The following SLC35F4 variants were observed in gnomAD, a reference collection of about 807,000 sequenced individuals.
SLC35F4 encodes the protein chromosome 14 open reading frame 36.
Under a neutral mutation model 44.2 loss-of-function variants are expected in SLC35F4, and 24 were observed. The observed-to-expected ratio is 0.54, with a 90% CI of 0.39 to 0.76. SLC35F4 has a LOEUF of 0.76. Among genes scored for constraint, SLC35F4 ranks in the 30% least tolerant of loss-of-function variants. SLC35F4 has a pLI of 0.00. For missense variants in SLC35F4, 562 were observed against 586.1 expected (o/e 0.96, Z 0.42); for synonymous variants, 238 against 223.6 (o/e 1.06, Z -0.57).
At chr14:57,647,486 G>T (rs1297099423) in intron 1 of SLC35F4, among the ~76,000 whole-genome samples, 2 of 145,626 alleles carry the variant, frequency 1.4e-5, no homozygotes, top group Non-Finnish European at 3.0e-5. Context: ...TAGCCATGTG[G>T]CCATTGTCTT....
intron 1 of SLC35F4, among the ~76,000 whole-genome samples, chr14:57,861,856 A>G (rs757911453): frequency 7.9e-5 from 12 of 152,070 alleles, no homozygotes; most frequent in Non-Finnish European, 1.5e-4. Flanking sequence ...TAATGTCAGA[A>G]TGTCTCAAAA....
At chr14:57,721,128 A>G (rs2076077871) in intron 1 of SLC35F4, among the ~76,000 whole-genome samples, 1 of 151,212 alleles carries the variant, frequency 6.6e-6, no homozygotes, top group East Asian at 1.9e-4. Context: ...GGAACAGAAT[A>G]TTAAGGATGG....
intron 1 of SLC35F4, among the ~76,000 whole-genome samples, chr14:57,808,850 T>C (rs77570144): frequency 1.3e-5 from 2 of 152,276 alleles, no homozygotes; most frequent in Non-Finnish European, 2.9e-5. Context: ...TGCTGATAAG[T>C]CAGTATCAAC....
chr14:57,726,220 A>T (rs956025859), intron 1 of SLC35F4, among the ~76,000 whole-genome samples: 1 of 152,172 alleles, frequency 6.6e-6, no homozygotes, highest in Non-Finnish European at 1.5e-5. Context: ...ATTAAGGTCA[A>T]TGGGAAACTA....
At chr14:57,802,024 T>C (rs2078204909) in intron 1 of SLC35F4, among the ~76,000 whole-genome samples, 1 of 152,174 alleles carries the variant, frequency 6.6e-6, no homozygotes, top group African/African-American at 2.4e-5. Flanking sequence ...CAACAGAATA[T>C]ACATTCTTCT....
chr14:57,737,713 A>G (rs2076503478), intron 1 of SLC35F4, among the ~76,000 whole-genome samples: 1 of 152,236 alleles, frequency 6.6e-6, no homozygotes. Context: ...AAGCCGTGCT[A>G]CATTGGCCTT....
intron 1 of SLC35F4, among the ~76,000 whole-genome samples, chr14:57,858,415 C>CA (rs1887339974): frequency 6.6e-6 from 1 of 151,954 alleles, no homozygotes; most frequent in East Asian, 1.9e-4. Flanking sequence ...TCATTCTCAG[C>CA]AAACTATCGC....
chr14:57,719,995 T>C (rs1338340651), intron 1 of SLC35F4, among the ~76,000 whole-genome samples: 1 of 152,120 alleles, frequency 6.6e-6, no homozygotes, highest in Admixed American at 6.5e-5. Flanking sequence ...CTATACCCAG[T>C]TTTTTGAGGG....
chr14:57,569,980 C>T lies in SLC35F4; in HGVS notation c.934G>A (p.Val312Ile). ...GSASTSALYK[V>I]LFKMFLGSAN... ...CTTCCAAGAAACATTTTAAACAAGA[C>T]CTGGAATGAGAAAGAAACTCTACAG... The change falls in exon 6 of 8, where the codon GTC (valine) becomes ATC (isoleucine). Residue 312 changes from valine (V) to isoleucine (I), a missense_variant and splice_region_variant. Physicochemically the swap from Val to Ile is conservative, Grantham distance 29. Coordinates refer to ENST00000556826, the MANE Select transcript of SLC35F4 (RefSeq NM_001306087.2). 6.3e-7 allele frequency: 1 copy of T among 1,595,466 alleles called. No homozygotes were observed. The highest frequency in any genetic ancestry group is 1.2e-5 in the South Asian group (1 of 86,500).
intron 3 of SLC35F4, among the ~76,000 whole-genome samples, chr14:57,589,005 C>T (rs544700632): frequency 2.4e-4 from 36 of 152,268 alleles, no homozygotes; most frequent in East Asian, 2.3e-3. Context: ...ATAAGTTATG[C>T]AAAAGCACCA....
intron 1 of SLC35F4, among the ~76,000 whole-genome samples, chr14:57,777,058 T>C (rs2077506932): frequency 6.6e-6 from 1 of 152,164 alleles, no homozygotes; most frequent in Admixed American, 6.5e-5. Context: ...AATAACTAAC[T>C]AACAACACGA....
chr14:57,946,469 CTTTTT>C (rs71104596), intron 1 of SLC35F4, among the ~76,000 whole-genome samples: 64 of 78,190 alleles, frequency 8.2e-4, no homozygotes, highest in Non-Finnish European at 1.3e-3. Context: ...GTTTTCTTTT[CTTTTT>C]TTTTTTTTTT....
chr14:57,894,628 A>C (rs1360560334), intron 1 of SLC35F4, among the ~76,000 whole-genome samples: 1 of 152,172 alleles, frequency 6.6e-6, no homozygotes, highest in Non-Finnish European at 1.5e-5. Flanking sequence ...CTTTTCTATA[A>C]ATATTTCAAT....
chr14:57,624,138 A>C lies in SLC35F4; in HGVS notation c.104-30014T>G, dbSNP rs147676371. ...GGGATATCACCACTGATTCCACAGA[A>C]ATACAAACTAACATCAGAGAATATG... On this transcript the variant is annotated intron_variant, in intron 1 of 7. Coordinates refer to ENST00000556826, the MANE Select transcript of SLC35F4 (RefSeq NM_001306087.2). 5.2e-3 allele frequency among the ~76,000 whole-genome samples: 796 copies of C among 152,038 alleles called. 7 individuals are homozygous for C. Among genetic ancestry groups the C allele is most frequent in the Middle Eastern group, 0.02 (6 of 294 alleles).
intron 1 of SLC35F4, among the ~76,000 whole-genome samples, chr14:57,765,405 T>C (rs1399470765): frequency 6.6e-6 from 1 of 152,194 alleles, no homozygotes; most frequent in Admixed American, 6.5e-5. Context: ...ATCTGGAGTA[T>C]GAGGCAAAAA....
intron 1 of SLC35F4, among the ~76,000 whole-genome samples, chr14:57,929,082 A>G (rs1449460522): frequency 6.6e-6 from 1 of 152,174 alleles, no homozygotes; most frequent in Non-Finnish European, 1.5e-5. Context: ...AGTAGTCTTG[A>G]GCTGTAAGAG....
At chr14:57,842,462 G>A (rs778230206) in intron 1 of SLC35F4, among the ~76,000 whole-genome samples, 2 of 152,082 alleles carry the variant, frequency 1.3e-5, no homozygotes, top group South Asian at 2.1e-4. Flanking sequence ...ATGATGGGAC[G>A]CCTTGCTCTT....
intron 1 of SLC35F4, among the ~76,000 whole-genome samples, chr14:57,949,271 T>A (rs7149302): frequency 0.54 from 81,600 of 152,012 alleles, 23,126 homozygotes; most frequent in East Asian, 0.82. Flanking sequence ...TCCTTTTGTC[T>A]TTATATAATG....
chr14:57,953,678 A>AG (rs529132155), intron 1 of SLC35F4, among the ~76,000 whole-genome samples: 135 of 152,260 alleles, frequency 8.9e-4, no homozygotes, highest in African/African-American at 3.2e-3. Flanking sequence ...AAAAAGACAA[A>AG]AAGGACATTA....
Sources: allele counts gnomAD v4.1 joint callset (sites outside exome capture counted in the v4.1 genomes callset), GRCh38; gene constraint gnomAD v4.1.1; transcripts MANE v1.5; gene names NCBI Gene and HGNC (gene_info 2026-07-23, HGNC 2026-07-21).